The following CNTNAP5 variants were observed in gnomAD, a reference collection of about 807,000 sequenced individuals.
CNTNAP5 encodes contactin-associated protein-like 5.
CNTNAP5 carries 72 observed loss-of-function variants against 150.2 expected under a neutral mutation model. The observed-to-expected ratio is 0.48, with a 90% confidence interval of 0.40 to 0.58. CNTNAP5 has a LOEUF of 0.58. CNTNAP5 is among the 20% of genes least tolerant of loss of function. CNTNAP5 has a pLI of 0.00. For missense variants in CNTNAP5, 1,636 were observed against 1,626.2 expected (o/e 1.01, Z -0.10); for synonymous variants, 672 against 619.8 (o/e 1.08, Z -1.25).
chr2:124,514,277 G>A lies in CNTNAP5; in HGVS notation c.1327+9721G>A, dbSNP rs568524016. ...GTTTACCAAAGTAGTGATTTCTTGG[G>A]CGTCTTCAGCTTTTTAAGTTTGGAT... On this transcript the variant is annotated intron_variant, in intron 8 of 23. Coordinates refer to ENST00000682447, the MANE Select transcript of CNTNAP5 (RefSeq NM_001367498.1). Among the ~76,000 whole-genome samples, 36 of 152,294 alleles carry A rather than the reference G, an allele frequency of 2.4e-4. No individual in the cohort carries two copies. In the South Asian group the frequency reaches 5.6e-3, roughly 24 times the overall value.
At chr2:124,261,331 A>C (rs1186957649) in intron 3 of CNTNAP5, among the ~76,000 whole-genome samples, 1 of 152,272 alleles carries the variant, frequency 6.6e-6, no homozygotes, top group Admixed American at 6.5e-5. Flanking sequence ...CTTCCCTCTC[A>C]GCAGAATTCA....
chr2:124,834,245 G>C (rs1420307508), intron 19 of CNTNAP5, among the ~76,000 whole-genome samples: 1 of 152,118 alleles, frequency 6.6e-6, no homozygotes, highest in African/African-American at 2.4e-5. Flanking sequence ...CTTCAAATTT[G>C]AGTGGTTCAT....
At chr2:124,495,183 T>C (rs935591509) in intron 7 of CNTNAP5, among the ~76,000 whole-genome samples, 3 of 152,176 alleles carry the variant, frequency 2.0e-5, no homozygotes, top group African/African-American at 4.8e-5. Flanking sequence ...CATATACATA[T>C]ACCATAATTT....
chr2:124,475,009 T>C, intron 7 of CNTNAP5, 127 bp downstream of exon 7: 1 of 693,088 alleles, frequency 1.4e-6, no homozygotes, highest in Non-Finnish European at 2.3e-6. Flanking sequence ...CATCAGCGTC[T>C]GACGTGACAC....
At chr2:124,684,002 A>C (rs891856414) in intron 13 of CNTNAP5, among the ~76,000 whole-genome samples, 16 of 152,302 alleles carry the variant, frequency 1.1e-4, no homozygotes, top group Non-Finnish European at 4.4e-5. Context: ...GATTGTGCTA[A>C]AGAATGTCAT....
Position 124,025,714 on chromosome 2 carries a change from G to C in CNTNAP5, c.64G>C (p.Gly22Arg). 1 of 1,613,704 alleles carries C rather than the reference G, an allele frequency of 6.2e-7. No homozygotes were observed. The highest frequency in any genetic ancestry group is 8.5e-7 in the Non-Finnish European group (1 of 1,179,730). ...TLLFSGLWHL[G>R]LTATNYNCDD... ...GCTGTTCTCTGGCTTGTGGCATTTAGGATTAACAGCGACAAACTGTGAGTA... is the reference window on the plus strand; with the variant it reads ...GCTGTTCTCTGGCTTGTGGCATTTACGATTAACAGCGACAAACTGTGAGTA... Residue 22 changes from glycine (G) to arginine (R), a missense_variant, in exon 1 of 24, where the codon GGA becomes CGA. Transcript: ENST00000682447.
chr2:124,679,979 T>G (rs554730271), intron 13 of CNTNAP5, among the ~76,000 whole-genome samples: 52 of 151,894 alleles, frequency 3.4e-4, no homozygotes, highest in African/African-American at 1.2e-3. Context: ...CCCCCACAAC[T>G]CTGCAGCAGT....
intron 13 of CNTNAP5, among the ~76,000 whole-genome samples, chr2:124,721,961 T>G (rs1680059136): frequency 6.6e-6 from 1 of 152,068 alleles, no homozygotes; most frequent in Non-Finnish European, 1.5e-5. Flanking sequence ...TCACACAGCC[T>G]TTCTTCTCTG....
chr2:124,891,645 G>A (rs1452286245), intron 21 of CNTNAP5, among the ~76,000 whole-genome samples: 1 of 152,142 alleles, frequency 6.6e-6, no homozygotes, highest in African/African-American at 2.4e-5. Flanking sequence ...AGGGGAAACT[G>A]TGTACATATT....
intron 7 of CNTNAP5, among the ~76,000 whole-genome samples, chr2:124,495,574 G>A (rs1694123225): frequency 1.3e-5 from 2 of 152,150 alleles, no homozygotes; most frequent in African/African-American, 4.8e-5. Context: ...ATGCACCATG[G>A]CCATTAGCAG....
At chr2:124,588,155 CTTTT>C in intron 11 of CNTNAP5, among the ~76,000 whole-genome samples, 1 of 55,990 alleles carries the variant, frequency 1.8e-5, no homozygotes, top group African/African-American at 7.2e-5. Flanking sequence ...TCCTTCCTTC[CTTTT>C]CCTTCCTTCC....
intron 1 of CNTNAP5, among the ~76,000 whole-genome samples, chr2:124,206,246 A>G (rs1485703652): frequency 6.6e-6 from 1 of 152,172 alleles, no homozygotes; most frequent in Admixed American, 6.5e-5. Flanking sequence ...TTTCTTTATA[A>G]AACCAGGTCA....
chr2:124,456,145 A>G (rs931747090), intron 6 of CNTNAP5, among the ~76,000 whole-genome samples: 2 of 152,198 alleles, frequency 1.3e-5, no homozygotes, highest in African/African-American at 2.4e-5. Context: ...TGCTGATTAT[A>G]TGATTGGTTA....
At chr2:124,184,422 G>A (rs546910565) in intron 1 of CNTNAP5, among the ~76,000 whole-genome samples, 1 of 152,250 alleles carries the variant, frequency 6.6e-6, no homozygotes, top group South Asian at 2.1e-4. Context: ...GATAAAGAAT[G>A]AATCTTTTCT....
At chr2:124,612,420 G>A (rs896610373) in intron 12 of CNTNAP5, among the ~76,000 whole-genome samples, 1 of 152,020 alleles carries the variant, frequency 6.6e-6, no homozygotes, top group Non-Finnish European at 1.5e-5. Flanking sequence ...GCTTAGAAAT[G>A]TTAAACTCTT....
rs146684841 is a variant in CNTNAP5, at chr2:124,603,623, G to T, written c.1757-6178G>T. Among the ~76,000 whole-genome samples, 40 of 152,186 alleles carry T rather than the reference G, an allele frequency of 2.6e-4. 1 individual carries two copies. Among genetic ancestry groups the T allele is most frequent in the Admixed American group, 2.4e-3 (37 of 15,280 alleles). ...GACTTTTTTCATGGACTGTTAAGTT[G>T]CATTCAAATACATTTATACAAGAAA... On this transcript the variant is annotated intron_variant, in intron 11 of 23. Coordinates refer to ENST00000682447, the MANE Select transcript of CNTNAP5 (RefSeq NM_001367498.1).
chr2:124,901,496 C>T (rs1273859162), intron 21 of CNTNAP5, among the ~76,000 whole-genome samples: 1 of 152,080 alleles, frequency 6.6e-6, no homozygotes, highest in Non-Finnish European at 1.5e-5. Flanking sequence ...GAGAAGGAGT[C>T]TACAGAAGCC....
chr2:124,913,067 C>A (rs539020086), intron 23 of CNTNAP5, among the ~76,000 whole-genome samples: 9 of 152,146 alleles, frequency 5.9e-5, no homozygotes, highest in South Asian at 2.1e-4. Context: ...GGAAGACATG[C>A]AATCCATTTA....
rs925243151 is a variant in CNTNAP5 at position 124,093,664 on chromosome 2, T to G, written c.82+67932T>G. 1.3e-4 allele frequency among the ~76,000 whole-genome samples: 20 copies of G among 152,334 alleles called. No homozygotes were observed. In the South Asian group the frequency reaches 3.9e-3, roughly 30 times the overall value. ...AGCCCAACAAAGCCACAGCTGATAT[T>G]TCATCTTGCAAATCTCGACCTTGAA... On this transcript the variant is annotated intron_variant, in intron 1 of 23. Transcript: ENST00000682447.
Sources: gnomAD v4.1 joint callset for allele counts (sites outside exome capture counted in the v4.1 genomes callset) on GRCh38, gnomAD v4.1.1 for gene constraint, MANE v1.5 for transcripts, NCBI Gene and HGNC (gene_info 2026-07-23, HGNC 2026-07-21) for gene names.